Variants in SCUBE2 observed in about 807,000 individuals in gnomAD.
SCUBE2 encodes signal peptide, CUB and EGF-like domain-containing protein 2.
In SCUBE2, 114 loss-of-function variants were observed where a neutral mutation model predicts 125.9. That is an observed-to-expected ratio of 0.91 (90% CI 0.78 to 1.06). SCUBE2 has a LOEUF of 1.06. Among genes scored for constraint, SCUBE2 ranks in the 50% least tolerant of loss-of-function variants. The pLI is 0.00. For missense variants in SCUBE2, 1,255 were observed against 1,301.8 expected, an observed-to-expected ratio of 0.96 and a Z score of 0.55; for synonymous variants, 459 against 492.9, an observed-to-expected ratio of 0.93 and a Z score of 0.91.
At chr11:9,021,797 G>A (rs961428492) in intron 22 of SCUBE2, 79 bp downstream of exon 22, 47 of 1,055,908 alleles carry the variant, frequency 4.5e-5, no homozygotes, top group Admixed American at 3.1e-4. Context: ...GCAACAAGGA[G>A]CAGGAGGAGA....
At chr11:9,054,772 A>C (rs1858910288) in intron 10 of SCUBE2, among the ~76,000 whole-genome samples, 1 of 82,590 alleles carries the variant, frequency 1.2e-5, no homozygotes, top group Non-Finnish European at 2.2e-5. Context: ...TTTCGCTCTT[A>C]TTGCCCAGGC....
At chr11:9,044,160 G>T (rs1857490271) in intron 16 of SCUBE2, among the ~76,000 whole-genome samples, 1 of 152,224 alleles carries the variant, frequency 6.6e-6, no homozygotes, top group Admixed American at 6.5e-5. Context: ...AGCTGTAAAA[G>T]AAATGAGGTT....
At position 9,074,140 on chromosome 11, in the gene SCUBE2, C is replaced by G. The variant is rs528623481; in HGVS notation, c.517+341G>C. On this transcript the variant is annotated intron_variant, in intron 4 of 22. Transcript: ENST00000649792. ...AGGCTCATACTGGTGCTGTGGTTTT[C>G]AGCACCTTTTTGAAAAACTTGGCAG... 2.0e-5 allele frequency among the ~76,000 whole-genome samples: 3 copies of G among 152,316 alleles called. No individual in the cohort carries two copies. In the South Asian group the frequency reaches 6.2e-4, roughly 32 times the overall value.
At chr11:9,060,315 T>C (rs1487929329) in intron 8 of SCUBE2, 93 bp downstream of exon 8, 3 of 909,002 alleles carry the variant, frequency 3.3e-6, no homozygotes, top group Non-Finnish European at 5.3e-6. Context: ...ACGTGGGGTA[T>C]GGAGGGTATG....
chr11:9,087,488 C>G (rs1421598572), intron 2 of SCUBE2, among the ~76,000 whole-genome samples: 1 of 152,026 alleles, frequency 6.6e-6, no homozygotes, highest in Non-Finnish European at 1.5e-5. Context: ...GGAGAGATAG[C>G]CTTTTGGCCT....
chr11:9,029,311 CA>C (rs953049485), intron 19 of SCUBE2, among the ~76,000 whole-genome samples: 3 of 152,212 alleles, frequency 2.0e-5, no homozygotes, highest in African/African-American at 7.2e-5. Context: ...GCCTGAGGTC[CA>C]GGGGTCTCCT....
intron 4 of SCUBE2, among the ~76,000 whole-genome samples, 198 bp from the exon 5 acceptor site, chr11:9,069,693 G>C (rs967916870): frequency 7.9e-5 from 12 of 152,300 alleles, no homozygotes; most frequent in Non-Finnish European, 5.9e-5. Context: ...TCACCCAAGA[G>C]ATATGATGTC....
At position 9,066,801 on chromosome 11, in the gene SCUBE2, T is replaced by A. The variant is rs199591718; in HGVS notation, c.656A>T (p.His219Leu). ...GGAGTGCTGGCACCCACCGTTCCCATGGTTACAGGTCACTGACAGCAAAAT... is the reference window on the plus strand; with the variant it reads ...GGAGTGCTGGCACCCACCGTTCCCAAGGTTACAGGTCACTGACAGCAAAAT... ...NQRDCILTCNHGNGGCQHSCD... is the reference protein window; with the variant it reads ...NQRDCILTCNLGNGGCQHSCD... Residue 219 changes from histidine to leucine, a missense_variant, in exon 6 of 23, where the codon CAT becomes CTT. Physicochemically the swap from His to Leu is moderately conservative, Grantham distance 99 (BLOSUM62 -3). This residue lies in a region of SCUBE2 where 362 missense variants were observed against 323.0 expected (regional missense o/e 1.12). Transcript: ENST00000649792. The A allele has an allele frequency of 3.7e-6, 6 of 1,614,006 alleles. No individual in the cohort carries two copies. Among genetic ancestry groups the A allele is most frequent in the Non-Finnish European group, 5.1e-6 (6 of 1,179,864 alleles).
intron 9 of SCUBE2, among the ~76,000 whole-genome samples, chr11:9,056,654 G>T (rs1859115670): frequency 6.6e-6 from 1 of 152,142 alleles, no homozygotes; most frequent in Admixed American, 6.5e-5. Flanking sequence ...AGCAGCCTCA[G>T]GAGGCTGCAT....
rs1857887483 is a variant in SCUBE2, at chr11:9,047,359, A to T, written c.1999T>A (p.Cys667Ser). ...AAGAATGTCCCAGGCCACTCACCAC[A>T]TTGGTTTTCTGCATGACCCTGGCCC... The part of the protein sequence containing the change: ...GVGQGHAENQ[C>S]VSCRAGTYYD... Residue 667 changes from cysteine (C) to serine (S), a missense_variant, in exon 16 of 23, where the codon TGT becomes AGT. Cys to Ser is a moderately radical substitution (Grantham distance 112). This residue lies in a region of SCUBE2 where 515 missense variants were observed against 515.7 expected (regional missense o/e 1.00). Transcript: ENST00000649792. The T allele has an allele frequency of 1.2e-6, 2 of 1,613,906 alleles. No individual in the cohort carries two copies. The highest frequency in any genetic ancestry group is 1.1e-5 in the South Asian group (1 of 91,072).
chr11:9,069,282 A>T (rs772314085), intron 5 of SCUBE2, 88 bp downstream of exon 5: 427 of 1,554,052 alleles, frequency 2.7e-4, no homozygotes, highest in Non-Finnish European at 3.5e-4. Flanking sequence ...CAGCCGTGCC[A>T]TGAGGTGGTG....
chr11:9,051,104 A>T (rs1248930551), intron 13 of SCUBE2, among the ~76,000 whole-genome samples: 1 of 152,206 alleles, frequency 6.6e-6, no homozygotes, highest in African/African-American at 2.4e-5. Context: ...CAGAGGTTGC[A>T]GTGAGCTGAG....
chr11:9,074,462 C>T lies in SCUBE2; in HGVS notation c.517+19G>A, dbSNP rs1564843365. The T allele has an allele frequency of 6.2e-7, 1 of 1,613,646 alleles. No individual in the cohort carries two copies. The highest frequency in any genetic ancestry group is 8.5e-7 in the Non-Finnish European group (1 of 1,179,740). On this transcript the variant is annotated intron_variant, in intron 4 of 22. Transcript: ENST00000649792. ...TCTCAGATGTGGCTCTGCCCCCATC[C>T]ACAGCTGGGCAGAGGTACCTTCCGA...
In SCUBE2 at chr11:9,079,285, C is replaced by T. The variant is rs1861442361; in HGVS notation, c.382+99G>A. 3.5e-6 allele frequency: 5 copies of T among 1,417,854 alleles called. No homozygotes were observed. In the South Asian group the frequency reaches 6.6e-5, roughly 19 times the overall value. 87.8% of individuals were successfully genotyped at this position (1,417,854 alleles called of 1,614,324 possible). ...TTCCAAGGGAGCAGAAAACACAAGG[C>T]TCTGAGCCCGTTTTTGTCTTCATGA... On this transcript the variant is annotated intron_variant, in intron 3 of 22. Coordinates refer to ENST00000649792, the MANE Select transcript of SCUBE2 (RefSeq NM_001367977.2).
intron 16 of SCUBE2, among the ~76,000 whole-genome samples, chr11:9,041,461 C>A (rs566663597): frequency 6.6e-6 from 1 of 152,158 alleles, no homozygotes; most frequent in East Asian, 1.9e-4. Flanking sequence ...CCGGAACCAG[C>A]ATTGAAAATG....
At chr11:9,039,914 A>G (rs1336570833) in intron 16 of SCUBE2, among the ~76,000 whole-genome samples, 1 of 152,238 alleles carries the variant, frequency 6.6e-6, no homozygotes, top group African/African-American at 2.4e-5. Flanking sequence ...AACTAAACTA[A>G]CCATCACAAA....
rs1590016633 is a variant in SCUBE2, at chr11:9,033,686, T to C, written c.2113A>G (p.Arg705Gly). Residue 705 changes from arginine (R) to glycine (G), a missense_variant, in exon 17 of 23, where the codon AGA becomes GGA. By Grantham distance (125) the Arg-to-Gly change is moderately radical. Transcript: ENST00000649792. Reference protein sequence around the residue: ...EGQMTCEPCPRPGNSGALKTP... With the variant: ...EGQMTCEPCPGPGNSGALKTP... Reference sequence around the variant, plus strand: ...TTCAGGGCCCCAGAATTTCCTGGTCTTGGGCATGGTTCACAAGTCATTTGT... The same window carrying C: ...TTCAGGGCCCCAGAATTTCCTGGTCCTGGGCATGGTTCACAAGTCATTTGT... The C allele has an allele frequency of 6.2e-7, 1 of 1,614,192 alleles. No homozygotes were observed. The highest frequency in any genetic ancestry group is 2.2e-5 in the East Asian group (1 of 44,872).
intron 18 of SCUBE2, among the ~76,000 whole-genome samples, chr11:9,030,518 C>T (rs11042157): frequency 0.042 from 6,405 of 152,228 alleles, 190 homozygotes; most frequent in Non-Finnish European, 0.064. Flanking sequence ...CCAACTGGCT[C>T]ATCAGTGCCT....
intron 22 of SCUBE2, 80 bp from the exon 23 acceptor site, chr11:9,021,277 A>C (rs1221552674): frequency 3.3e-6 from 4 of 1,225,400 alleles, no homozygotes; most frequent in Non-Finnish European, 4.3e-6. Flanking sequence ...ATAATGACCC[A>C]GTATTAGGCC....
Sources: gnomAD v4.1 joint callset for allele counts (sites outside exome capture counted in the v4.1 genomes callset) on GRCh38, gnomAD v4.1.1 for gene constraint, gnomAD v4.1.1 regional missense constraint, MANE v1.5 for transcripts, NCBI Gene and HGNC (gene_info 2026-07-23, HGNC 2026-07-21) for gene names.